Variants in BID observed in about 807,000 individuals in gnomAD.
The protein encoded by BID is BH3 interacting domain death agonist, also known as BH3-interacting domain death agonist.
Under a neutral mutation model 17.4 loss-of-function variants are expected in BID, and 19 were observed. The observed-to-expected ratio is 1.09, with a 90% confidence interval of 0.76 to 1.60. The LOEUF is 1.60. Among genes scored for constraint, BID ranks in the 40% most tolerant of loss-of-function variants. BID has a pLI of 0.00. For missense variants in BID, 226 were observed against 256.0 expected, an observed-to-expected ratio of 0.88 and a Z score of 0.80; for synonymous variants, 108 against 102.8, an observed-to-expected ratio of 1.05 and a Z score of -0.31.
At chr22:17,750,241 C>G in intron 1 of BID, 67 bp from the exon 2 acceptor site, 1 of 1,363,234 alleles carries the variant, frequency 7.3e-7, no homozygotes, top group Non-Finnish European at 1.0e-6. Flanking sequence ...CTCGGGAGGA[C>G]GACGAAGCTG....
chr22:17,735,327 A>C lies in BID; in HGVS notation c.*253T>G. 71 of 492,260 alleles carry C rather than the reference A, an allele frequency of 1.4e-4. No individual in the cohort carries two copies. The highest frequency in any genetic ancestry group is 4.4e-4 in the South Asian group (15 of 33,898). 30.5% of individuals were successfully genotyped at this position (492,260 alleles called of 1,614,324 possible). On this transcript the variant is annotated 3_prime_UTR_variant, in exon 6 of 6. Coordinates refer to ENST00000622694, the MANE Select transcript of BID (RefSeq NM_001196.4). ...ACCGTGTGTAGATTTACAGATGTGC[A>C]GATTCATGTGTGGATGATATGAAGG...
intron 1 of BID, chr22:17,774,110 T>C: frequency 5.4e-6 from 1 of 186,794 alleles, no homozygotes; most frequent in Non-Finnish European, 1.1e-5. Flanking sequence ...AACAAAGCCT[T>C]CCCCGCCTCC....
chr22:17,764,365 A>G (rs2061663236), intron 1 of BID: 1 of 153,240 alleles, frequency 6.5e-6, no homozygotes, highest in Non-Finnish European at 1.5e-5. Context: ...AAAGAGCCCT[A>G]TTGGGAAGAG....
At chr22:17,752,383 C>T (rs1166876696) in intron 1 of BID, among the ~76,000 whole-genome samples, 1 of 152,210 alleles carries the variant, frequency 6.6e-6, no homozygotes, top group Non-Finnish European at 1.5e-5. Flanking sequence ...GTCACTAGTG[C>T]TCAGGGCCGA....
chr22:17,772,532 C>A (rs1016158854), intron 1 of BID, among the ~76,000 whole-genome samples: 1 of 152,206 alleles, frequency 6.6e-6, no homozygotes, highest in African/African-American at 2.4e-5. Context: ...GCACAGTCCT[C>A]GGTCACGTCG....
chr22:17,771,774 G>A (rs1381691405), intron 1 of BID, among the ~76,000 whole-genome samples: 1 of 144,506 alleles, frequency 6.9e-6, no homozygotes, highest in Non-Finnish European at 1.5e-5. Flanking sequence ...GGCTGGATGG[G>A]GCTGTAGGAA....
intron 1 of BID, among the ~76,000 whole-genome samples, chr22:17,763,620 G>C (rs1051004584): frequency 1.3e-5 from 2 of 151,774 alleles, no homozygotes; most frequent in African/African-American, 4.9e-5. Flanking sequence ...GCTGTCTCCA[G>C]ACACATGTTT....
intron 1 of BID, among the ~76,000 whole-genome samples, chr22:17,759,251 A>AAAAAAAAACAAAAC (rs1247103051): frequency 3.3e-5 from 4 of 121,222 alleles, no homozygotes; most frequent in African/African-American, 1.2e-4. Flanking sequence ...CAAAACAAAA[A>AAAAAAAAACAAAAC]AAAAAAAACA....
At chr22:17,746,841 T>C (rs1402876413) in intron 2 of BID, among the ~76,000 whole-genome samples, 1 of 152,120 alleles carries the variant, frequency 6.6e-6, no homozygotes, top group African/African-American at 2.4e-5. Context: ...TTCCAGCCTT[T>C]GGGCCTCTAG....
rs1373259420 is a variant in BID, at chr22:17,734,190, AG to A, written c.*1389del. 1 of 152,248 alleles carries A rather than the reference AG, an allele frequency of 6.6e-6. No individual in the cohort carries two copies. The highest frequency in any genetic ancestry group is 1.5e-5 in the Non-Finnish European group (1 of 68,042). 9.4% of individuals were successfully genotyped at this position (152,248 alleles called of 1,614,324 possible). A position where few individuals can be genotyped will look rare whatever the true frequency, so the allele number is the denominator to read the frequency against. On this transcript the variant is annotated 3_prime_UTR_variant, in exon 6 of 6. Transcript: ENST00000622694. ...AACAGTGGCCTCCACACTGCGCGGC[AG>A]CACTTCTTTTTAGTATTTGTAAGCT...
At chr22:17,757,279 G>A (rs1013669015) in intron 1 of BID, among the ~76,000 whole-genome samples, 7 of 151,800 alleles carry the variant, frequency 4.6e-5, no homozygotes, top group Non-Finnish European at 1.0e-4. Context: ...GCCAGGCATG[G>A]TGGCGTGTGC....
At chr22:17,736,151 C>T (rs2061417790) in intron 5 of BID, among the ~76,000 whole-genome samples, 1 of 152,158 alleles carries the variant, frequency 6.6e-6, no homozygotes, top group Non-Finnish European at 1.5e-5. Flanking sequence ...AGTAATGCTT[C>T]TGACATGTCA....
At chr22:17,761,426 T>C (rs1344100395) in intron 1 of BID, among the ~76,000 whole-genome samples, 2 of 130,578 alleles carry the variant, frequency 1.5e-5, no homozygotes, top group African/African-American at 2.9e-5. Flanking sequence ...GAATAATCTT[T>C]CACTTTTTTT....
chr22:17,743,162 T>C (rs1601841503), intron 3 of BID, among the ~76,000 whole-genome samples: 1 of 152,258 alleles, frequency 6.6e-6, no homozygotes, highest in Admixed American at 6.5e-5. Context: ...TGTGTTCTTG[T>C]ATAGGTAATC....
chr22:17,757,402 CAAAAA>C (rs34545330), intron 1 of BID, among the ~76,000 whole-genome samples: 2 of 61,046 alleles, frequency 3.3e-5, no homozygotes, highest in Non-Finnish European at 5.4e-5. Context: ...GACCCTGTCC[CAAAAA>C]AAAAAAAAAA....
At chr22:17,751,905 C>A (rs1319808886) in intron 1 of BID, among the ~76,000 whole-genome samples, 2 of 152,228 alleles carry the variant, frequency 1.3e-5, no homozygotes, top group Non-Finnish European at 2.9e-5. Context: ...AGACAAAGCG[C>A]AAGACAGACC....
intron 1 of BID, among the ~76,000 whole-genome samples, chr22:17,766,482 T>C (rs901682111): frequency 2.0e-4 from 31 of 151,992 alleles, no homozygotes; most frequent in Admixed American, 2.0e-3. Flanking sequence ...GGTTTCTCCA[T>C]GTTGGCCTGG....
At chr22:17,750,289 G>A in intron 1 of BID, 115 bp from the exon 2 acceptor site, 1 of 860,688 alleles carries the variant, frequency 1.2e-6, no homozygotes, top group South Asian at 1.6e-5. Context: ...CCGAGGTCCT[G>A]GCCTGAGCCC....
chr22:17,746,282 A>C (rs2061494801), intron 2 of BID, among the ~76,000 whole-genome samples: 1 of 152,238 alleles, frequency 6.6e-6, no homozygotes, highest in African/African-American at 2.4e-5. Context: ...CCGGAAGCCC[A>C]GTCCCCACCA....
Sources: gnomAD v4.1 joint callset for allele counts (sites outside exome capture counted in the v4.1 genomes callset) on GRCh38, gnomAD v4.1.1 for gene constraint, MANE v1.5 for transcripts, NCBI Gene and HGNC (gene_info 2026-07-23, HGNC 2026-07-21) for gene names.